FGF13: variants seen among roughly 807,000 people sequenced by gnomAD.
FGF13 encodes the protein fibroblast growth factor homologous factor 2.
A neutral mutation model predicts 19.5 loss-of-function variants in FGF13; 2 were observed. The ratio of observed to expected loss-of-function variants is 0.10; its 90% CI spans 0.04 to 0.32. The LOEUF is 0.32. FGF13 is among the 10% of genes least tolerant of loss of function. FGF13 has a pLI of 1.00. For missense variants in FGF13, 113 were observed against 192.7 expected, an observed-to-expected ratio of 0.59 and a Z score of 2.45; for synonymous variants, 72 against 76.9, an observed-to-expected ratio of 0.94 and a Z score of 0.33.
At chrX:138,985,851 G>A (rs765064459) in intron 1 of FGF13, among the ~76,000 whole-genome samples, 1 of 112,025 alleles carries the variant, frequency 8.9e-6, no homozygotes, top group African/African-American at 3.2e-5. Context: ...ATAAATAAAA[G>A]CCATCTGGTA....
chrX:138,643,544 A>C (rs1272894829), intron 3 of FGF13, among the ~76,000 whole-genome samples: 5 of 112,327 alleles, frequency 4.5e-5, no homozygotes, highest in African/African-American at 1.6e-4. Context: ...AGACTGTGTT[A>C]GTCTGACCTT....
chrX:138,668,288 A>G (rs1359033282), intron 3 of FGF13, among the ~76,000 whole-genome samples: 1 of 111,517 alleles, frequency 9.0e-6, no homozygotes, highest in Admixed American at 9.6e-5. Context: ...CCAAATCATA[A>G]ACCTTATAAG....
intron 1 of FGF13, among the ~76,000 whole-genome samples, chrX:138,921,746 T>C (rs2091646336): frequency 1.8e-5 from 2 of 111,011 alleles, no homozygotes; most frequent in Admixed American, 1.9e-4. Context: ...CAAGGACCTT[T>C]GAATCTAACC....
At chrX:138,698,150 GA>G (rs1276064906) in intron 3 of FGF13, among the ~76,000 whole-genome samples, 6 of 106,494 alleles carry the variant, frequency 5.6e-5, no homozygotes, top group Admixed American at 5.1e-4. Context: ...ATGGCAACAA[GA>G]AAAAAAAAGG....
intron 1 of FGF13, among the ~76,000 whole-genome samples, chrX:139,066,121 C>T (rs1164483254): frequency 6.3e-5 from 7 of 111,214 alleles, no homozygotes; most frequent in African/African-American, 2.3e-4. Flanking sequence ...TCTTTGAAAC[C>T]AATGAGAACA....
Position 139,124,604 on chromosome X carries a change from T to A in FGF13, c.-113+78812A>T, listed in dbSNP as rs1203738182. 1.3e-4 allele frequency among the ~76,000 whole-genome samples: 14 copies of A among 111,481 alleles called. No individual in the cohort carries two copies. The Admixed American group carries it at 1.3e-3, about 11-fold the overall frequency. On this transcript the variant is annotated intron_variant, in intron 1 of 2. Transcript: ENST00000421460. ...ACAGCAGATCCTGGAATTAGACAAT[T>A]CTGGGGTCTGATCAAAGCTCTCTAG... is the stretch of plus-strand genomic sequence containing the variant.
chrX:139,123,010 T>A (rs765403161), intron 1 of FGF13, among the ~76,000 whole-genome samples: 16 of 111,411 alleles, frequency 1.4e-4, no homozygotes, highest in African/African-American at 5.2e-4. Context: ...ACCCACATTA[T>A]GACAATAAAA....
chrX:138,727,602 A>G (rs1318136764), intron 1 of FGF13, among the ~76,000 whole-genome samples: 1 of 111,665 alleles, frequency 9.0e-6, no homozygotes, highest in African/African-American at 3.3e-5. Flanking sequence ...TATATGGGAG[A>G]ACAGTTCTAG....
In FGF13 at chrX:139,042,568, A is replaced by C. The variant is rs776605670; in HGVS notation, c.-113+160848T>G. 9.0e-4 allele frequency among the ~76,000 whole-genome samples: 67 copies of C among 74,282 alleles called. 2 individuals are homozygous for C. The highest frequency in any genetic ancestry group is 2.9e-3 in the African/African-American group (64 of 22,175). 64.5% of individuals were successfully genotyped at this position (74,282 alleles called of 115,157 possible). On this transcript the variant is annotated intron_variant, in intron 1 of 2. Transcript: ENST00000421460. Reference sequence around the variant, plus strand: ...GTTGTCTAGCTATTAACATGCATTTATGTAAAAAAAATTTGATTTTAATAA... The same window carrying C: ...GTTGTCTAGCTATTAACATGCATTTCTGTAAAAAAAATTTGATTTTAATAA...
At chrX:139,031,874 A>G (rs148733763) in intron 1 of FGF13, among the ~76,000 whole-genome samples, 2,353 of 110,940 alleles carry the variant, frequency 0.021, 76 homozygotes, top group African/African-American at 0.072. Context: ...GATGTATTTT[A>G]TAACAGTGGT....
At chrX:138,998,459 T>C (rs1408995508) in intron 1 of FGF13, among the ~76,000 whole-genome samples, 1 of 107,380 alleles carries the variant, frequency 9.3e-6, no homozygotes, top group African/African-American at 3.4e-5. Context: ...AAGACACACA[T>C]AGGCTCAAAA....
intron 3 of FGF13, among the ~76,000 whole-genome samples, chrX:138,811,328 A>G (rs1188708842): frequency 4.5e-5 from 5 of 111,016 alleles, no homozygotes; most frequent in African/African-American, 6.6e-5. Context: ...CATCATTCTC[A>G]GCAAACTATC....
At chrX:138,857,793 G>T in intron 2 of FGF13, 1 of 623,897 alleles carries the variant, frequency 1.6e-6, no homozygotes, top group Non-Finnish European at 2.3e-6. Flanking sequence ...CCTAAGAAAA[G>T]TTTCAAAGAA....
Position 138,805,559 on chromosome X carries a change from C to G in FGF13, c.217+51953G>C, listed in dbSNP as rs182693609. The stretch of plus-strand genomic sequence containing the variant: ...AATATTTTAGGCTCTACAATCTAAT[C>G]AATCATCTGCTAAGTAGTTGGAATG... On this transcript the variant is annotated intron_variant, in intron 3 of 6. Transcript: ENST00000436198. Among the ~76,000 whole-genome samples, 654 of 111,295 alleles carry G rather than the reference C, an allele frequency of 5.9e-3. 3 individuals are homozygous for G. Among genetic ancestry groups the G allele is most frequent in the African/African-American group, 0.02 (609 of 30,655 alleles).
At chrX:138,790,694 A>G (rs1255325573) in intron 3 of FGF13, among the ~76,000 whole-genome samples, 1 of 111,762 alleles carries the variant, frequency 8.9e-6, no homozygotes, top group African/African-American at 3.3e-5. Context: ...CTTCTTATTC[A>G]TCTTCTCAAA....
At chrX:138,996,987 G>A (rs1213404089) in intron 1 of FGF13, among the ~76,000 whole-genome samples, 1 of 112,179 alleles carries the variant, frequency 8.9e-6, no homozygotes, top group African/African-American at 3.2e-5. Context: ...GGAAGTATCA[G>A]GCAGCAATAG....
At chrX:139,204,862 T>G (rs2084453976), upstream of FGF13, 1 of 111,036 alleles carries the variant, frequency 9.0e-6, no homozygotes, top group Non-Finnish European at 1.9e-5. Context: ...CCTATTATTT[T>G]GCCAAAAAGG....
At chrX:139,204,162 G>T, upstream of FGF13, 1 of 1,122,649 alleles carries the variant, frequency 8.9e-7, no homozygotes, top group African/African-American at 1.8e-5. Context: ...CTCGCCGAGC[G>T]GGTCGGACTT....
intron 1 of FGF13, among the ~76,000 whole-genome samples, chrX:138,981,797 C>T (rs753941614): frequency 1.7e-4 from 19 of 111,352 alleles, no homozygotes; most frequent in Non-Finnish European, 3.4e-4. Context: ...TACCCTTTTT[C>T]TCACATCTTA....
Sources: allele counts gnomAD v4.1 joint callset (sites outside exome capture counted in the v4.1 genomes callset), GRCh38; gene constraint gnomAD v4.1.1; transcripts MANE v1.5; gene names NCBI Gene and HGNC (gene_info 2026-07-23, HGNC 2026-07-21).